Variants in ATG10 observed in about 807,000 individuals in gnomAD.
ATG10 encodes the protein ubiquitin-like-conjugating enzyme ATG10.
ATG10 carries 30 observed loss-of-function variants against 32.1 expected under a neutral mutation model. The observed-to-expected ratio is 0.94, with a 90% CI of 0.70 to 1.27. ATG10 has a LOEUF of 1.27. ATG10 is among the 50% of genes most tolerant of loss of function. ATG10 has a pLI of 0.00. For missense variants in ATG10, 233 were observed against 262.3 expected, an observed-to-expected ratio of 0.89 and a Z score of 0.77; for synonymous variants, 87 against 91.5, an observed-to-expected ratio of 0.95 and a Z score of 0.28.
chr5:82,184,535 C>T (rs1396007459), intron 5 of ATG10, among the ~76,000 whole-genome samples: 2 of 152,062 alleles, frequency 1.3e-5, no homozygotes, highest in Non-Finnish European at 2.9e-5. Flanking sequence ...CTGCCTCTTT[C>T]TCCTCATCTC....
intron 2 of ATG10, among the ~76,000 whole-genome samples, chr5:82,028,513 A>G (rs998969825): frequency 1.3e-5 from 2 of 152,200 alleles, no homozygotes; most frequent in Non-Finnish European, 2.9e-5. Context: ...AAATAATTCA[A>G]TGTTTTATTG....
intron 5 of ATG10, among the ~76,000 whole-genome samples, chr5:82,181,812 C>G (rs749938719): frequency 6.6e-6 from 1 of 152,078 alleles, no homozygotes; most frequent in East Asian, 1.9e-4. Flanking sequence ...TCTGTTCTTT[C>G]AGCATTTGTC....
chr5:82,256,060 A>C lies in ATG10; in HGVS notation c.*1997A>C, dbSNP rs558514219. ...TTTTCCCCCCAATCTCCCTAATGTAAACACAGATTTCTCAGCAAGTCATTT... is the reference window on the plus strand; with the variant it reads ...TTTTCCCCCCAATCTCCCTAATGTACACACAGATTTCTCAGCAAGTCATTT... On this transcript the variant is annotated 3_prime_UTR_variant, in exon 8 of 8. Transcript: ENST00000282185. 3 of 152,250 alleles carry C rather than the reference A, an allele frequency of 2.0e-5. No individual in the cohort carries two copies. In the South Asian group the frequency reaches 6.2e-4, roughly 32 times the overall value. The allele number at this position is 152,250 out of a possible 1,614,324, so 9.4% of individuals were successfully genotyped here.
chr5:81,998,670 C>T (rs1368414591), intron 2 of ATG10, among the ~76,000 whole-genome samples: 1 of 151,878 alleles, frequency 6.6e-6, no homozygotes, highest in Admixed American at 6.6e-5. Flanking sequence ...CATCCATAGG[C>T]TCAAAGTAAA....
At position 82,238,629 on chromosome 5, in the gene ATG10, C is replaced by G. The variant is rs188631443; in HGVS notation, c.454-13933C>G. Among the ~76,000 whole-genome samples the G allele has an allele frequency of 1.4e-3, 213 of 152,046 alleles. 1 individual carries two copies. The highest frequency in any genetic ancestry group is 2.5e-3 in the Non-Finnish European group (168 of 67,972). ...ATTTAGTGTGCAAATATTTGTAGTGCCTAGAAAAGTGCCTGGCATATAGAA... is the reference window on the plus strand; with the variant it reads ...ATTTAGTGTGCAAATATTTGTAGTGGCTAGAAAAGTGCCTGGCATATAGAA... On this transcript the variant is annotated intron_variant, in intron 5 of 7. Transcript: ENST00000282185.
intron 3 of ATG10, among the ~76,000 whole-genome samples, chr5:82,128,959 A>C (rs972269300): frequency 6.6e-6 from 1 of 151,768 alleles, no homozygotes; most frequent in Non-Finnish European, 1.5e-5. Context: ...GTGTTTTCCA[A>C]CTTGGTTCCA....
chr5:82,079,466 A>G (rs1025830180), intron 3 of ATG10, among the ~76,000 whole-genome samples: 3 of 151,994 alleles, frequency 2.0e-5, no homozygotes, highest in East Asian at 3.9e-4. Context: ...TGCTGCACCC[A>G]TTAACTCATC....
At chr5:82,243,055 G>A (rs1196491215) in intron 5 of ATG10, among the ~76,000 whole-genome samples, 4 of 151,908 alleles carry the variant, frequency 2.6e-5, no homozygotes, top group Non-Finnish European at 5.9e-5. Context: ...GAATTGTTTG[G>A]GAAAAAGATA....
intron 1 of ATG10, among the ~76,000 whole-genome samples, chr5:81,977,069 A>C (rs1036995873): frequency 5.3e-5 from 8 of 151,898 alleles, no homozygotes; most frequent in African/African-American, 1.9e-4. Context: ...TAGAGGCGGG[A>C]TCTCACCATT....
chr5:82,037,916 C>A (rs1762982624), intron 2 of ATG10, among the ~76,000 whole-genome samples: 1 of 151,976 alleles, frequency 6.6e-6, no homozygotes. Context: ...TTGATATTAT[C>A]TCATTTAAGA....
intron 2 of ATG10, among the ~76,000 whole-genome samples, chr5:82,013,101 A>C (rs1422128053): frequency 2.0e-5 from 3 of 151,852 alleles, no homozygotes; most frequent in Non-Finnish European, 4.4e-5. Flanking sequence ...AGTTGGGACT[A>C]CAGGCACACA....
intron 1 of ATG10, among the ~76,000 whole-genome samples, chr5:81,980,668 G>C (rs1205485393): frequency 2.0e-5 from 3 of 150,566 alleles, no homozygotes; most frequent in African/African-American, 7.3e-5. Context: ...TTAGTTTTTT[G>C]GGGTGTTAGT....
intron 3 of ATG10, among the ~76,000 whole-genome samples, chr5:82,144,483 C>T (rs911151969): frequency 6.6e-6 from 1 of 151,728 alleles, no homozygotes; most frequent in African/African-American, 2.4e-5. Context: ...GATTTAGCTG[C>T]ATTCCATTCA....
At chr5:82,102,725 C>T (rs558025102) in intron 3 of ATG10, among the ~76,000 whole-genome samples, 15 of 152,094 alleles carry the variant, frequency 9.9e-5, no homozygotes, top group Non-Finnish European at 1.9e-4. Context: ...TGCTTTTGAC[C>T]ATCCTTCTCA....
chr5:82,163,197 C>G (rs1037377827), intron 3 of ATG10, among the ~76,000 whole-genome samples: 2 of 152,110 alleles, frequency 1.3e-5, no homozygotes, highest in African/African-American at 4.8e-5. Context: ...AAATCTTTTT[C>G]TTGCTACTGT....
At chr5:82,231,792 AT>A in intron 5 of ATG10, among the ~76,000 whole-genome samples, 1 of 152,282 alleles carries the variant, frequency 6.6e-6, no homozygotes, top group African/African-American at 2.4e-5. Context: ...GAATCCTTAT[AT>A]TTTCAAAGTT....
At chr5:82,167,931 A>G (rs1311911925) in intron 4 of ATG10, among the ~76,000 whole-genome samples, 2 of 152,190 alleles carry the variant, frequency 1.3e-5, no homozygotes, top group East Asian at 3.8e-4. Flanking sequence ...GGACACAGTT[A>G]ATACCCTTTG....
intron 5 of ATG10, among the ~76,000 whole-genome samples, chr5:82,182,431 C>T (rs917947662): frequency 2.0e-5 from 3 of 151,908 alleles, no homozygotes; most frequent in African/African-American, 7.3e-5. Context: ...ATGTTCGTAT[C>T]AGTTTTATTT....
In ATG10 at chr5:82,066,166, C is replaced by T. The variant is rs1763937427; in HGVS notation, c.216+7564C>T. Among the ~76,000 whole-genome samples the T allele has an allele frequency of 2.6e-5, 4 of 151,926 alleles. No individual in the cohort carries two copies. In the South Asian group the frequency reaches 6.2e-4, roughly 24 times the overall value. On this transcript the variant is annotated intron_variant, in intron 3 of 7. Transcript: ENST00000282185. The stretch of plus-strand genomic sequence containing the variant: ...CCAACATTGCTTTGTATTTTTTTGT[C>T]TCTAATGTCTTCATTTATGAAGTTT...
Sources: allele counts gnomAD v4.1 joint callset (sites outside exome capture counted in the v4.1 genomes callset), GRCh38; gene constraint gnomAD v4.1.1; transcripts MANE v1.5; gene names NCBI Gene and HGNC (gene_info 2026-07-23, HGNC 2026-07-21).